The following DDX31 variants were observed in gnomAD, a reference collection of about 807,000 sequenced individuals.
The protein encoded by DDX31 is DEAD-box helicase 31.
DDX31 carries 70 observed loss-of-function variants against 91.3 expected under a neutral mutation model. The ratio of observed to expected loss-of-function variants is 0.77; its 90% CI spans 0.63 to 0.94. DDX31 has a LOEUF of 0.94. DDX31 is among the 40% of genes least tolerant of loss of function. The pLI, the probability that DDX31 is intolerant of heterozygous loss-of-function variation, is 0.00. For synonymous variants in DDX31, 362 were observed against 350.6 expected (o/e 1.03, Z -0.36); for missense variants, 902 against 925.0 (o/e 0.98, Z 0.32).
Position 132,662,584 on chromosome 9 carries a change from G to C in DDX31, c.187C>G (p.Gln63Glu). ...PAKKTSVKET[Q>E]RTFKGNAQKM... ...TGTGCGTTCCCCTTAAAAGTCCTCT[G>C]AGTTTCTTTAACACTAGTTTTCTTG... The change falls in exon 2 of 20, where the codon CAG (glutamine) becomes GAG (glutamate). Residue 63 changes from glutamine to glutamate, a missense_variant. Gln to Glu is a conservative substitution (Grantham distance 29). Coordinates refer to ENST00000372159, the MANE Select transcript of DDX31 (RefSeq NM_022779.9). 6.2e-7 allele frequency: 1 copy of C among 1,614,202 alleles called. No individual in the cohort carries two copies. The highest frequency in any genetic ancestry group is 1.1e-5 in the South Asian group (1 of 91,088).
Position 132,646,974 on chromosome 9 carries a change from T to G in DDX31, c.1052A>C (p.Lys351Thr), listed in dbSNP as rs1189134295. 6.2e-7 allele frequency: 1 copy of G among 1,614,228 alleles called. No homozygotes were observed. ...ACAGACCTCCTGGACCGCTTTGTCC[T>G]TTGGGTTCAACTGGTCATGGCTCTT... ...LDKSHDQLNP[K>T]DKAVQEVCPP... is the part of the protein sequence containing the mutation. The change falls in exon 12 of 20, where the codon AAG (lysine) becomes ACG (threonine). Residue 351 changes from lysine (K) to threonine (T), a missense_variant. Transcript: ENST00000372159.
Position 132,642,470 on chromosome 9 carries a change from T to A in DDX31, c.1381-407A>T, listed in dbSNP as rs147734856. Among the ~76,000 whole-genome samples, 187 of 152,322 alleles carry A rather than the reference T, an allele frequency of 1.2e-3. 2 individuals are homozygous for A. The highest frequency in any genetic ancestry group is 4.2e-3 in the African/African-American group (173 of 41,568). On this transcript the variant is annotated intron_variant, in intron 13 of 19. Coordinates refer to ENST00000372159, the MANE Select transcript of DDX31 (RefSeq NM_022779.9). The stretch of plus-strand genomic sequence containing the variant: ...CCAACCTTCTCTACAGGCAGTTTTT[T>A]AAAAGATTAGATATTTATAAAACTA...
chr9:132,638,016 C>G (rs905440672), intron 14 of DDX31: 6 of 1,133,456 alleles, frequency 5.3e-6, no homozygotes, highest in Middle Eastern at 3.8e-4. Context: ...ATGCTTCAAG[C>G]GGAAAAAAAT....
chr9:132,648,302 T>C lies in DDX31; in HGVS notation c.861-7A>G, dbSNP rs1315882493. 5 of 1,603,260 alleles carry C rather than the reference T, an allele frequency of 3.1e-6. No individual in the cohort carries two copies. In the African/African-American group the frequency reaches 6.8e-5, roughly 22 times the overall value. On this transcript the variant is annotated splice_polypyrimidine_tract_variant and splice_region_variant and intron_variant, in intron 10 of 19. Coordinates refer to ENST00000372159, the MANE Select transcript of DDX31 (RefSeq NM_022779.9). ...AAAACCCAAATCCAAGATTCTGTGA[T>C]TGTAAAAAAAAAAAGAAATTTTCAA...
At chr9:132,650,849 A>C (rs1834137961) in intron 8 of DDX31, among the ~76,000 whole-genome samples, 1 of 152,210 alleles carries the variant, frequency 6.6e-6, no homozygotes, top group African/African-American at 2.4e-5. Context: ...ACTATGATGA[A>C]CAAATTGCAG....
intron 1 of DDX31, among the ~76,000 whole-genome samples, chr9:132,668,639 C>T (rs903451355): frequency 1.1e-4 from 16 of 150,864 alleles, no homozygotes; most frequent in African/African-American, 3.9e-4. Flanking sequence ...ATGATCTCGG[C>T]TCACTGCAAG....
chr9:132,649,396 G>A (rs1834041347), intron 9 of DDX31, among the ~76,000 whole-genome samples: 1 of 152,180 alleles, frequency 6.6e-6, no homozygotes, highest in African/African-American at 2.4e-5. Flanking sequence ...GAAATTAGAT[G>A]CAATGGTTGG....
At chr9:132,669,251 C>T (rs1277877866) in intron 1 of DDX31, among the ~76,000 whole-genome samples, 9 of 87,044 alleles carry the variant, frequency 1.0e-4, no homozygotes, top group African/African-American at 4.4e-4. Flanking sequence ...ATGTCCACCC[C>T]GCCCGCCCCC....
chr9:132,649,251 A>G (rs1332390108), intron 9 of DDX31, among the ~76,000 whole-genome samples: 7 of 152,148 alleles, frequency 4.6e-5, no homozygotes, highest in Non-Finnish European at 1.0e-4. Flanking sequence ...CTAGCTGGAT[A>G]TATTTTCAAG....
chr9:132,660,335 C>CAAA (rs773583376), intron 4 of DDX31, among the ~76,000 whole-genome samples: 1 of 55,312 alleles, frequency 1.8e-5, no homozygotes, highest in Admixed American at 1.8e-4. Context: ...AACTCCGTCT[C>CAAA]AAAAAAAAAA....
chr9:132,638,445 A>C, intron 14 of DDX31: 1 of 1,589,370 alleles, frequency 6.3e-7, no homozygotes, highest in Non-Finnish European at 8.6e-7. Flanking sequence ...TCCACTTGGG[A>C]AAGTGGGCTT....
intron 14 of DDX31, among the ~76,000 whole-genome samples, 164 bp from the exon 15 acceptor site, chr9:132,632,255 C>CGT (rs1447579163): frequency 4.0e-5 from 4 of 100,122 alleles, no homozygotes; most frequent in African/African-American, 2.3e-4. Context: ...CACACACACA[C>CGT]ACACACACAC....
intron 1 of DDX31, among the ~76,000 whole-genome samples, chr9:132,667,011 C>G (rs948774305): frequency 1.3e-5 from 2 of 151,876 alleles, no homozygotes; most frequent in African/African-American, 4.8e-5. Context: ...CTGCGCCAAG[C>G]CTTTTTTTTG....
chr9:132,626,092 A>C (rs1832372890), intron 16 of DDX31, among the ~76,000 whole-genome samples: 1 of 151,794 alleles, frequency 6.6e-6, no homozygotes, highest in African/African-American at 2.4e-5. Flanking sequence ...TGAGCAGATG[A>C]TGATGAAATA....
At chr9:132,640,006 T>A (rs1833387700) in intron 14 of DDX31, among the ~76,000 whole-genome samples, 1 of 152,212 alleles carries the variant, frequency 6.6e-6, no homozygotes. Context: ...TCAAGTTTCT[T>A]GGGCCCTGTC....
intron 19 of DDX31, among the ~76,000 whole-genome samples, chr9:132,601,317 A>G (rs1830708493): frequency 6.6e-6 from 1 of 152,232 alleles, no homozygotes; most frequent in Non-Finnish European, 1.5e-5. Flanking sequence ...GTTAGAAGGT[A>G]GGGTGGCATA....
Position 132,652,474 on chromosome 9 carries a change from C to T in DDX31, c.607G>A (p.Ala203Thr), listed in dbSNP as rs1274155148. The T allele has an allele frequency of 1.2e-6, 2 of 1,614,084 alleles. No homozygotes were observed. Residue 203 changes from alanine (A) to threonine (T), a missense_variant, in exon 7 of 20, where the codon GCC (alanine) becomes ACC (threonine). Physicochemically the swap from Ala to Thr is moderately conservative, Grantham distance 58 (BLOSUM62 0). Coordinates refer to ENST00000372159, the MANE Select transcript of DDX31 (RefSeq NM_022779.9). ...TCTCTCGTTGGCACGAGCACCAGGG[C>T]ATAGGGGCCATCACTGCGCTGTTGA... ...SKIQRSDGPY[A>T]LVLVPTRELA...
intron 17 of DDX31, among the ~76,000 whole-genome samples, chr9:132,622,708 A>T (rs917944436): frequency 2.6e-5 from 4 of 152,250 alleles, no homozygotes; most frequent in Admixed American, 2.6e-4. Flanking sequence ...GCAGATGCTA[A>T]TGTTCCACTT....
chr9:132,624,590 T>A (rs1832276472), intron 17 of DDX31, among the ~76,000 whole-genome samples: 2 of 152,264 alleles, frequency 1.3e-5, no homozygotes. Context: ...AGCATATTAG[T>A]GTGCCCCTGT....
Sources: allele counts gnomAD v4.1 joint callset (sites outside exome capture counted in the v4.1 genomes callset), GRCh38; gene constraint gnomAD v4.1.1; transcripts MANE v1.5; gene names NCBI Gene and HGNC (gene_info 2026-07-23, HGNC 2026-07-21).